The following CCDC92 variants were observed in gnomAD, a reference collection of about 807,000 sequenced individuals.
CCDC92 encodes the protein coiled-coil domain-containing protein 92.
A neutral mutation model predicts 24.9 loss-of-function variants in CCDC92; 12 were observed. The observed-to-expected ratio is 0.48, with a 90% CI of 0.31 to 0.78. CCDC92 has a LOEUF of 0.78. Among genes scored for constraint, CCDC92 ranks in the 30% least tolerant of loss-of-function variants. CCDC92 has a pLI of 0.05. For missense variants in CCDC92, 399 were observed against 439.4 expected (o/e 0.91, Z 0.82); for synonymous variants, 193 against 196.3 (o/e 0.98, Z 0.14).
intron 1 of CCDC92, among the ~76,000 whole-genome samples, chr12:123,967,196 AGT>A (rs1274656125): frequency 1.3e-5 from 2 of 151,944 alleles, no homozygotes; most frequent in African/African-American, 2.4e-5. Flanking sequence ...TCAATGAGCA[AGT>A]ACCTTAATGC....
At chr12:123,944,598 T>C (rs895027313) in intron 1 of CCDC92, 1 of 360,130 alleles carries the variant, frequency 2.8e-6, no homozygotes, top group African/African-American at 2.1e-5. Context: ...ATCAATTATC[T>C]GTACGACCAG....
intron 1 of CCDC92, among the ~76,000 whole-genome samples, chr12:123,948,522 A>G (rs1448353728): frequency 6.6e-6 from 1 of 152,232 alleles, no homozygotes; most frequent in Non-Finnish European, 1.5e-5. Flanking sequence ...GAGTGTGACC[A>G]TGTAACGCGC....
rs1487763202 is a variant in CCDC92 at position 123,937,629 on chromosome 12, G to T, written c.425C>A (p.Thr142Asn). The T allele has an allele frequency of 6.8e-6, 11 of 1,613,760 alleles. No individual in the cohort carries two copies. The highest frequency in any genetic ancestry group is 9.3e-6 in the Non-Finnish European group (11 of 1,180,020). ...EELKAKSHKL[T>N]LLSSELEQRA... ...CTGCTCCAGCTCGCTAGACAGCAGG[G>T]TCAGCTTGTGACTCTTGGCCTTCAG... Residue 142 changes from threonine (T) to asparagine (N), a missense_variant, in exon 5 of 5, where the codon ACC becomes AAC. Thr to Asn is a moderately conservative substitution (Grantham distance 65). Coordinates refer to ENST00000238156, the MANE Select transcript of CCDC92 (RefSeq NM_025140.3). This position sits in a 1 kb window ranked among gnomAD's most constrained non-coding sequence, Gnocchi z 8.4.
At chr12:123,964,035 C>T (rs1290697806) in intron 1 of CCDC92, among the ~76,000 whole-genome samples, 2 of 152,116 alleles carry the variant, frequency 1.3e-5, no homozygotes, top group African/African-American at 2.4e-5. Context: ...CCATGGTCAC[C>T]AGGAAACCCT....
chr12:123,971,803 T>C (rs953989093), intron 1 of CCDC92: 1 of 152,254 alleles, frequency 6.6e-6, no homozygotes, highest in Non-Finnish European at 1.5e-5. Context: ...TGCATTCTGC[T>C]CCGTTTCACG....
chr12:123,950,477 A>G lies in CCDC92; in HGVS notation c.-59-6113T>C, dbSNP rs77928640. 7.0e-4 allele frequency among the ~76,000 whole-genome samples: 106 copies of G among 152,338 alleles called. No homozygotes were observed. The East Asian group carries it at 0.02, about 29-fold the overall frequency. ...AATGACTCTTGCTCGTAATACCAGC[A>G]AAGGTTCCTAGGAAGCTGGGTGAGG... On this transcript the variant is annotated intron_variant, in intron 1 of 4. Coordinates refer to ENST00000238156, the MANE Select transcript of CCDC92 (RefSeq NM_025140.3).
chr12:123,970,586 G>C (rs1170790993), intron 1 of CCDC92, among the ~76,000 whole-genome samples: 2 of 152,212 alleles, frequency 1.3e-5, no homozygotes, highest in Non-Finnish European at 2.9e-5. Flanking sequence ...ACCTAGCCGG[G>C]ATGAAACTTC....
intron 1 of CCDC92, among the ~76,000 whole-genome samples, chr12:123,963,979 G>C (rs1956333117): frequency 6.6e-6 from 1 of 152,058 alleles, no homozygotes; most frequent in Non-Finnish European, 1.5e-5. Context: ...ATATATACTA[G>C]CACTTTAAGA....
At chr12:123,951,764 T>A (rs988108211) in intron 1 of CCDC92, among the ~76,000 whole-genome samples, 3 of 152,168 alleles carry the variant, frequency 2.0e-5, no homozygotes, top group Non-Finnish European at 4.4e-5. Context: ...AGCGTTGCCA[T>A]CAAGAAAATG....
At chr12:123,945,229 T>G (rs1480781005) in intron 1 of CCDC92, 2 of 152,178 alleles carry the variant, frequency 1.3e-5, no homozygotes, top group African/African-American at 2.4e-5. Flanking sequence ...ATGGCAGAGT[T>G]GAGTTTCCAT....
rs1955784126 is a variant in CCDC92, at chr12:123,944,404, T to C, written c.-59-40A>G. Reference sequence around the variant, plus strand: ...TGAGTTATTTGCTTATAAATTATTATTGTAAATACAGAACCTCAGAATGCA... The same window carrying C: ...TGAGTTATTTGCTTATAAATTATTACTGTAAATACAGAACCTCAGAATGCA... On this transcript the variant is annotated intron_variant, in intron 1 of 4. Coordinates refer to ENST00000238156, the MANE Select transcript of CCDC92 (RefSeq NM_025140.3). The C allele has an allele frequency of 7.3e-6, 8 of 1,094,116 alleles. No individual in the cohort carries two copies. The highest frequency in any genetic ancestry group is 1.6e-5 in the African/African-American group (1 of 60,722). 67.8% of individuals were successfully genotyped at this position (1,094,116 alleles called of 1,614,324 possible).
At chr12:123,964,262 A>G (rs1436170980) in intron 1 of CCDC92, among the ~76,000 whole-genome samples, 1 of 152,238 alleles carries the variant, frequency 6.6e-6, no homozygotes, top group Non-Finnish European at 1.5e-5. Context: ...TTTTTTAAAA[A>G]AAGTGTCTGT....
At chr12:123,959,574 G>T (rs1368177591) in intron 1 of CCDC92, among the ~76,000 whole-genome samples, 1 of 152,142 alleles carries the variant, frequency 6.6e-6, no homozygotes, top group Non-Finnish European at 1.5e-5. Flanking sequence ...CAAAGTGCTG[G>T]GATTACAGGT....
At chr12:123,938,652 C>T (rs1008388451) in intron 4 of CCDC92, among the ~76,000 whole-genome samples, 4 of 152,182 alleles carry the variant, frequency 2.6e-5, no homozygotes, top group African/African-American at 9.6e-5. Context: ...CTTGCCTGGC[C>T]CCTGGGAAGT....
chr12:123,949,825 A>T (rs1955978084), intron 1 of CCDC92, among the ~76,000 whole-genome samples: 1 of 152,244 alleles, frequency 6.6e-6, no homozygotes, highest in Non-Finnish European at 1.5e-5. Context: ...CCTAGTGTCA[A>T]CGTGTCTGAG....
intron 1 of CCDC92, among the ~76,000 whole-genome samples, chr12:123,965,123 G>T (rs775339213): frequency 1.3e-5 from 2 of 152,018 alleles, no homozygotes; most frequent in African/African-American, 4.8e-5. Context: ...ATCAATTGAC[G>T]TATTAGGACA....
chr12:123,965,233 T>C (rs1365750043), intron 1 of CCDC92, among the ~76,000 whole-genome samples: 1 of 152,234 alleles, frequency 6.6e-6, no homozygotes, highest in Non-Finnish European at 1.5e-5. Flanking sequence ...CTTGTACGTG[T>C]GCATCGAGAT....
In CCDC92 at chr12:123,943,871, C is replaced by G. The variant is rs12307175; in HGVS notation, c.35-378G>C. On this transcript the variant is annotated intron_variant, in intron 2 of 4. Transcript: ENST00000238156. ...GCCAGTGAGGTATGGAGCAGGGATT[C>G]TAATCCAGGGACCCTTGGTTCCAAA... 874 of 433,976 alleles carry G rather than the reference C, an allele frequency of 2.0e-3. 9 individuals carry two copies. The Admixed American group carries it at 0.031, about 15-fold the overall frequency. The allele number at this position is 433,976 out of a possible 1,614,324, so 26.9% of individuals were successfully genotyped here.
chr12:123,942,856 A>G, intron 3 of CCDC92, 71 bp from the exon 4 acceptor site: 2 of 1,266,002 alleles, frequency 1.6e-6, no homozygotes. Flanking sequence ...TTGAAAATGC[A>G]AAACCGATTC....
Sources: gnomAD v4.1 joint callset for allele counts (sites outside exome capture counted in the v4.1 genomes callset) on GRCh38, gnomAD v4.1.1 for gene constraint, Gnocchi (gnomAD v3.1) non-coding constraint, MANE v1.5 for transcripts, NCBI Gene and HGNC (gene_info 2026-07-23, HGNC 2026-07-21) for gene names.